The following ZNF254 variants were observed in gnomAD, a reference collection of about 807,000 sequenced individuals.
ZNF254 encodes the protein zinc finger protein 254, also known as CTD-2017D11.1.
Under a neutral mutation model 12.4 loss-of-function variants are expected in ZNF254, and 10 were observed. The observed-to-expected ratio is 0.80, with a 90% CI of 0.50 to 1.36. The LOEUF is 1.36. ZNF254 is among the 40% of genes most tolerant of loss of function. The pLI, the probability that ZNF254 is intolerant of heterozygous loss-of-function variation, is 0.00. For synonymous variants in ZNF254, 305 were observed against 253.4 expected (o/e 1.20, Z -1.93); for missense variants, 996 against 763.9 (o/e 1.30, Z -3.58).
In ZNF254 at chr19:24,128,846, AAAT is replaced by A. The variant is rs1975065493; in HGVS notation, c.*868_*870del. The A allele has an allele frequency of 6.6e-6, 1 of 151,824 alleles. No individual in the cohort carries two copies. Among genetic ancestry groups the A allele is most frequent in the African/African-American group, 2.4e-5 (1 of 41,432 alleles). 9.4% of individuals were successfully genotyped at this position (151,824 alleles called of 1,614,324 possible). ...TCTAAACATTTGTATATAACTTTAAAAATAGAATATTTTTTGGAGGGTTATAAT... is the reference window on the plus strand; with the variant it reads ...TCTAAACATTTGTATATAACTTTAAAAGAATATTTTTTGGAGGGTTATAAT... On this transcript the variant is annotated 3_prime_UTR_variant, in exon 4 of 4. Coordinates refer to ENST00000357002, the MANE Select transcript of ZNF254 (RefSeq NM_203282.4).
intron 3 of ZNF254, among the ~76,000 whole-genome samples, chr19:24,116,545 A>T (rs570001131): frequency 1.3e-5 from 2 of 152,096 alleles, no homozygotes; most frequent in African/African-American, 4.8e-5. Context: ...TTTCAGCTCC[A>T]TCAGCTCCTT....
At chr19:24,041,529 C>T (rs1970160464) in intron 1 of ZNF254, among the ~76,000 whole-genome samples, 1 of 152,262 alleles carries the variant, frequency 6.6e-6, no homozygotes, top group South Asian at 2.1e-4. Flanking sequence ...CGATTTCTCG[C>T]CGGGCCTTAG....
intron 2 of ZNF254, among the ~76,000 whole-genome samples, chr19:24,077,186 A>G (rs1224844114): frequency 6.6e-6 from 1 of 152,142 alleles, no homozygotes; most frequent in African/African-American, 2.4e-5. Context: ...TATGACTTGG[A>G]AGCCCCAACC....
At chr19:24,091,009 C>T (rs1454719244) in intron 1 of ZNF254, among the ~76,000 whole-genome samples, 26 of 128,628 alleles carry the variant, frequency 2.0e-4, no homozygotes, top group Admixed American at 5.5e-4. Flanking sequence ...AGTGCAGTGG[C>T]GCCACTTTGG....
rs1379571624 is a variant in ZNF254 at position 24,093,374 on chromosome 19, AT to A, written c.30+6038del. Among the ~76,000 whole-genome samples, 29 of 152,206 alleles carry A rather than the reference AT, an allele frequency of 1.9e-4. No individual in the cohort carries two copies. The South Asian group carries it at 4.1e-3, about 22-fold the overall frequency. On this transcript the variant is annotated intron_variant, in intron 1 of 3. Transcript: ENST00000357002. ...AATTATGAATTCTCTGCTAGATTCT[AT>A]GTCTAGAATGACATTTCCTAAGTTA...
In ZNF254 at chr19:24,128,116, T is replaced by A. The variant is rs1380151224; in HGVS notation, c.*136T>A. 1 of 867,268 alleles carries A rather than the reference T, an allele frequency of 1.2e-6. No homozygotes were observed. The highest frequency in any genetic ancestry group is 1.6e-6 in the Non-Finnish European group (1 of 621,432). 53.7% of individuals were successfully genotyped at this position (867,268 alleles called of 1,614,324 possible). ...AAAACTTTAAAGAAAATCATTCTGC[T>A]GAAAAATCCTAGAAATGTGAAGAAT... is the stretch of plus-strand genomic sequence containing the variant. On this transcript the variant is annotated 3_prime_UTR_variant, in exon 4 of 4. Transcript: ENST00000357002.
intron 2 of ZNF254, among the ~76,000 whole-genome samples, chr19:24,065,186 C>G (rs1346072057): frequency 6.6e-6 from 1 of 152,182 alleles, no homozygotes; most frequent in Admixed American, 6.5e-5. Flanking sequence ...CTTCTACCTG[C>G]CTTCTTCCCA....
chr19:24,117,201 T>C (rs940109845), intron 3 of ZNF254, among the ~76,000 whole-genome samples: 1 of 152,124 alleles, frequency 6.6e-6, no homozygotes, highest in Non-Finnish European at 1.5e-5. Flanking sequence ...AGCTGTGTGT[T>C]GGGAGAACCA....
At chr19:24,085,511 C>G (rs1335867553), upstream of ZNF254, among the ~76,000 whole-genome samples, 1 of 146,762 alleles carries the variant, frequency 6.8e-6, no homozygotes, top group African/African-American at 2.5e-5. Context: ...CGTCTGTAAT[C>G]CCAACACCCA....
chr19:24,117,241 T>C (rs1288792763), intron 3 of ZNF254, among the ~76,000 whole-genome samples: 7 of 152,234 alleles, frequency 4.6e-5, no homozygotes, highest in Non-Finnish European at 8.8e-5. Context: ...CAGACAGGGA[T>C]ATTTAAGTCT....
chr19:24,111,290 A>T (rs1311821860), intron 3 of ZNF254, among the ~76,000 whole-genome samples: 2 of 152,156 alleles, frequency 1.3e-5, no homozygotes, highest in South Asian at 2.1e-4. Context: ...ACTCATCATT[A>T]TTGATGGCTG....
chr19:24,095,563 G>C (rs1253604726), intron 1 of ZNF254, among the ~76,000 whole-genome samples: 2 of 152,088 alleles, frequency 1.3e-5, no homozygotes, highest in Non-Finnish European at 2.9e-5. Flanking sequence ...CAATTTTTGA[G>C]CTTCTTATTC....
At chr19:24,077,784 G>T (rs1599653498) in intron 2 of ZNF254, among the ~76,000 whole-genome samples, 1 of 152,136 alleles carries the variant, frequency 6.6e-6, no homozygotes, top group East Asian at 1.9e-4. Flanking sequence ...GGGTGTGTGT[G>T]TCTAAAGGAG....
At position 24,127,590 on chromosome 19, in the gene ZNF254, C is replaced by T. The variant is rs145404494; in HGVS notation, c.1590C>T (p.Ser530=). ...CEECGKAFNW[S]STLTKHKIIH... is the part of the protein sequence containing the mutation. ...AATGTGGCAAAGCCTTTAACTGGTC[C>T]TCAACTCTTACTAAACATAAGATAA... Residue 530 remains serine (S), a synonymous_variant, in exon 4 of 4, where the codon TCC becomes TCT. Transcript: ENST00000357002. The T allele has an allele frequency of 2.1e-4, 333 of 1,606,922 alleles. No individual in the cohort carries two copies. The African/African-American group carries it at 3.9e-3, about 19-fold the overall frequency.
Position 24,127,446 on chromosome 19 carries a change from G to T in ZNF254, c.1446G>T (p.Arg482Ser). ...IWSSTLTRHK[R>S]MHTGEKPYKC... ...CCTCAACCCTAACTAGACATAAGAG[G>T]ATGCACACTGGAGAGAAACCCTACA... Residue 482 changes from arginine (R) to serine (S), a missense_variant, in exon 4 of 4, where the codon AGG becomes AGT. Coordinates refer to ENST00000357002, the MANE Select transcript of ZNF254 (RefSeq NM_203282.4). The T allele has an allele frequency of 3.8e-6, 6 of 1,596,938 alleles. No homozygotes were observed. Among genetic ancestry groups the T allele is most frequent in the Non-Finnish European group, 4.3e-6 (5 of 1,173,810 alleles).
At chr19:24,059,193 C>A (rs1048744899) in intron 2 of ZNF254, among the ~76,000 whole-genome samples, 30 of 152,346 alleles carry the variant, frequency 2.0e-4, no homozygotes, top group African/African-American at 7.2e-4. Flanking sequence ...GGCATTATGA[C>A]ATATCTCTTG....
At chr19:24,072,624 C>T (rs945060837) in intron 2 of ZNF254, among the ~76,000 whole-genome samples, 1 of 152,218 alleles carries the variant, frequency 6.6e-6, no homozygotes, top group African/African-American at 2.4e-5. Flanking sequence ...TGACTCTCCT[C>T]TTCCATCTGC....
chr19:24,119,688 G>T (rs996181162), intron 3 of ZNF254, among the ~76,000 whole-genome samples: 1 of 151,950 alleles, frequency 6.6e-6, no homozygotes, highest in African/African-American at 2.4e-5. Context: ...ACAAGGTTTT[G>T]CCGCATTGCT....
chr19:24,055,725 A>G (rs1970827643), intron 2 of ZNF254, among the ~76,000 whole-genome samples: 1 of 152,218 alleles, frequency 6.6e-6, no homozygotes, highest in South Asian at 2.1e-4. Context: ...TCCAGTCCAT[A>G]GGTGAGTTGG....
Sources: allele counts gnomAD v4.1 joint callset (sites outside exome capture counted in the v4.1 genomes callset), GRCh38; gene constraint gnomAD v4.1.1; transcripts MANE v1.5; gene names NCBI Gene and HGNC (gene_info 2026-07-23, HGNC 2026-07-21).